The following BICRAL variants were observed in gnomAD, a reference collection of about 807,000 sequenced individuals.
BICRAL encodes BICRA like chromatin remodeling complex associated protein, also known as BRD4-interacting chromatin-remodeling complex-associated protein-like.
In BICRAL, 8 loss-of-function variants were observed where a neutral mutation model predicts 91.8. The observed-to-expected ratio is 0.09, with a 90% CI of 0.05 to 0.16. The LOEUF (loss-of-function observed/expected upper bound fraction) is 0.16. Ranked by LOEUF, BICRAL falls within the 10% of genes least tolerant of loss-of-function variation. The pLI, the probability that BICRAL is intolerant of heterozygous loss-of-function variation, is 1.00. For synonymous variants in BICRAL, 445 were observed against 491.1 expected (o/e 0.91, Z 1.24); for missense variants, 1,038 against 1,310.9 (o/e 0.79, Z 3.21).
intron 1 of BICRAL, among the ~76,000 whole-genome samples, chr6:42,752,921 T>G (rs1461812071): frequency 6.8e-6 from 1 of 146,762 alleles, no homozygotes; most frequent in African/African-American, 2.6e-5. Flanking sequence ...ACTTTTTTTT[T>G]TTTTTTTTTT....
intron 1 of BICRAL, among the ~76,000 whole-genome samples, chr6:42,774,994 G>A (rs1762789156): frequency 6.6e-6 from 1 of 151,666 alleles, no homozygotes; most frequent in East Asian, 1.9e-4. Flanking sequence ...GTGCAGTGGC[G>A]CCATCTCAAC....
intron 6 of BICRAL, among the ~76,000 whole-genome samples, chr6:42,832,908 C>CT (rs1764534866): frequency 1.3e-5 from 2 of 152,240 alleles, no homozygotes; most frequent in Non-Finnish European, 2.9e-5. Context: ...AATACTATAA[C>CT]TAATCTGCAG....
chr6:42,765,454 A>G (rs1762617078), intron 1 of BICRAL, among the ~76,000 whole-genome samples: 2 of 152,222 alleles, frequency 1.3e-5, no homozygotes, highest in African/African-American at 4.8e-5. Flanking sequence ...GGAGGGAGAC[A>G]GTCATTGAGC....
At chr6:42,857,016 G>A in intron 9 of BICRAL, 75 bp from the exon 10 acceptor site, 1 of 1,223,802 alleles carries the variant, frequency 8.2e-7, no homozygotes. Context: ...TATTTTATTT[G>A]CATGCAAATA....
At chr6:42,792,875 T>C (rs536296488) in intron 1 of BICRAL, among the ~76,000 whole-genome samples, 1 of 149,324 alleles carries the variant, frequency 6.7e-6, no homozygotes, top group African/African-American at 2.4e-5. Flanking sequence ...ATCGTGCCAC[T>C]GCACTCCAGA....
At chr6:42,747,941 A>C (rs1762310705) in intron 1 of BICRAL, among the ~76,000 whole-genome samples, 1 of 150,638 alleles carries the variant, frequency 6.6e-6, no homozygotes, top group Non-Finnish European at 1.5e-5. Context: ...AGTAGCTGGG[A>C]CTACAGGCAT....
chr6:42,789,654 A>AG (rs1192696114), intron 1 of BICRAL, among the ~76,000 whole-genome samples: 14 of 152,130 alleles, frequency 9.2e-5, no homozygotes, highest in Non-Finnish European at 2.1e-4. Flanking sequence ...AAAAAAAAAA[A>AG]AAGAATGAAC....
intron 6 of BICRAL, among the ~76,000 whole-genome samples, chr6:42,841,024 G>A (rs558690673): frequency 7.2e-6 from 1 of 138,718 alleles, no homozygotes; most frequent in Admixed American, 7.6e-5. Flanking sequence ...GCAGTGGGCC[G>A]AGATCATACC....
At chr6:42,793,296 ATTTTTTTTTTTTTT>A (rs35332872) in intron 1 of BICRAL, among the ~76,000 whole-genome samples, 37 of 22,974 alleles carry the variant, frequency 1.6e-3, no homozygotes, top group African/African-American at 6.5e-3. Context: ...GACCCAGCTA[ATTTTTTTTTTTTTT>A]TTTTTTTTTT....
chr6:42,853,539 A>G, intron 7 of BICRAL, 99 bp from the exon 8 acceptor site: 1 of 809,076 alleles, frequency 1.2e-6, no homozygotes, highest in East Asian at 2.5e-5. Flanking sequence ...AACCCGTTTC[A>G]GAATGCTCAA....
chr6:42,850,043 TAAATA>T (rs1451993906), intron 6 of BICRAL, among the ~76,000 whole-genome samples: 1 of 149,164 alleles, frequency 6.7e-6, no homozygotes, highest in Non-Finnish European at 1.5e-5. Flanking sequence ...TCTCAATAAA[TAAATA>T]AAATAAATAA....
In BICRAL at chr6:42,864,831, T is replaced by C. The variant is rs767606323; in HGVS notation, c.2625T>C (p.His875=). ...AKTGVTEPMN[H]DQFHLVPNHI... is the part of the protein sequence containing the mutation. Reference sequence around the variant, plus strand: ...CCGGTGTGACGGAACCCATGAATCATGACCAGTTTCATCTAGTGCCTAATC... The same window carrying C: ...CCGGTGTGACGGAACCCATGAATCACGACCAGTTTCATCTAGTGCCTAATC... The change falls in exon 13 of 13, where the codon CAT becomes CAC. Residue 875 remains histidine (H), a synonymous_variant. Coordinates refer to ENST00000314073, the MANE Select transcript of BICRAL (RefSeq NM_001393499.1). 7.8e-5 allele frequency: 126 copies of C among 1,614,054 alleles called. No individual in the cohort carries two copies. Among genetic ancestry groups the C allele is most frequent in the Admixed American group, 1.0e-4 (6 of 59,988 alleles).
chr6:42,751,659 T>TC (rs200061022), intron 1 of BICRAL, among the ~76,000 whole-genome samples: 1 of 146,868 alleles, frequency 6.8e-6, no homozygotes, highest in Non-Finnish European at 1.5e-5. Context: ...CTTTTCTTTT[T>TC]TTTTTTTTTT....
At chr6:42,857,415 A>T (rs1765403222) in intron 10 of BICRAL, among the ~76,000 whole-genome samples, 179 bp downstream of exon 10, 1 of 151,768 alleles carries the variant, frequency 6.6e-6, no homozygotes, top group African/African-American at 2.4e-5. Flanking sequence ...GTTGTGACTT[A>T]CACTTCTCAG....
chr6:42,845,025 A>G (rs1300162614), intron 6 of BICRAL, among the ~76,000 whole-genome samples: 2 of 151,824 alleles, frequency 1.3e-5, no homozygotes, highest in African/African-American at 4.8e-5. Context: ...AGGGAAAAAA[A>G]GGATTACTGG....
At chr6:42,783,332 AGAG>A in intron 1 of BICRAL, among the ~76,000 whole-genome samples, 1 of 152,114 alleles carries the variant, frequency 6.6e-6, no homozygotes, top group East Asian at 1.9e-4. Flanking sequence ...GCCGGCCAGA[AGAG>A]ATGTGCGGCT....
chr6:42,859,047 G>A (rs922356816), intron 10 of BICRAL, among the ~76,000 whole-genome samples: 1 of 151,858 alleles, frequency 6.6e-6, no homozygotes, highest in Non-Finnish European at 1.5e-5. Flanking sequence ...AGTCCACTGT[G>A]GGCTTCCCTA....
At chr6:42,755,710 C>A (rs1222693511) in intron 1 of BICRAL, among the ~76,000 whole-genome samples, 2 of 150,496 alleles carry the variant, frequency 1.3e-5, no homozygotes, top group Admixed American at 6.7e-5. Flanking sequence ...TGCTCTGTTG[C>A]CCAGGCTGGA....
intron 5 of BICRAL, among the ~76,000 whole-genome samples, chr6:42,827,270 A>C (rs2113953417): frequency 6.6e-6 from 1 of 152,310 alleles, no homozygotes; most frequent in African/African-American, 2.4e-5. Flanking sequence ...TGGGATGGAC[A>C]GTTCTTTTTA....
Sources: allele counts gnomAD v4.1 joint callset (sites outside exome capture counted in the v4.1 genomes callset), GRCh38; gene constraint gnomAD v4.1.1; transcripts MANE v1.5; gene names NCBI Gene and HGNC (gene_info 2026-07-23, HGNC 2026-07-21).